The following FAM171A1 variants were observed in gnomAD, a reference collection of about 807,000 sequenced individuals.
FAM171A1 encodes family with sequence similarity 171 member A1, also known as protein FAM171A1.
A neutral mutation model predicts 74.9 loss-of-function variants in FAM171A1; 23 were observed. The observed-to-expected ratio is 0.31, with a 90% confidence interval of 0.22 to 0.44. The LOEUF is 0.44. Among genes scored for constraint, FAM171A1 ranks in the 20% least tolerant of loss-of-function variants. The pLI is 1.00. For synonymous variants in FAM171A1, 527 were observed against 505.7 expected, an observed-to-expected ratio of 1.04 and a Z score of -0.57; for missense variants, 1,162 against 1,159.2, an observed-to-expected ratio of 1.00 and a Z score of -0.03.
At chr10:15,283,580 T>C (rs1038242759) in intron 2 of FAM171A1, among the ~76,000 whole-genome samples, 1 of 152,144 alleles carries the variant, frequency 6.6e-6, no homozygotes, top group Admixed American at 6.5e-5. Context: ...ATGTTTTTAT[T>C]TATTTTATTT....
chr10:15,268,090 G>C (rs1376177069), intron 3 of FAM171A1, among the ~76,000 whole-genome samples: 1 of 152,152 alleles, frequency 6.6e-6, no homozygotes, highest in Admixed American at 6.5e-5. Flanking sequence ...AGCCCTGTGT[G>C]TATAAATGCT....
chr10:15,370,952 T>G lies in FAM171A1; in HGVS notation c.97+4A>C. The G allele has an allele frequency of 8.7e-7, 1 of 1,153,008 alleles. No individual in the cohort carries two copies. The highest frequency in any genetic ancestry group is 1.1e-6 in the Non-Finnish European group (1 of 918,136). The allele number at this position is 1,153,008 out of a possible 1,614,324, so 71.4% of individuals were successfully genotyped here. On this transcript the variant is annotated splice_donor_region_variant and intron_variant, in intron 1 of 7. Transcript: ENST00000378116. Reference sequence around the variant, plus strand: ...AGCCCCCGGCCCCGCCGCCGCCCACTGACCTTGGGCTCCGGCGCCGGGCTC... The same window carrying G: ...AGCCCCCGGCCCCGCCGCCGCCCACGGACCTTGGGCTCCGGCGCCGGGCTC...
intron 1 of FAM171A1, among the ~76,000 whole-genome samples, chr10:15,347,573 C>T (rs1379217932): frequency 6.6e-6 from 1 of 151,950 alleles, no homozygotes; most frequent in Non-Finnish European, 1.5e-5. Context: ...TGCAGTGGCT[C>T]ATGCCTGTAA....
At chr10:15,257,238 G>A (rs1834591912) in intron 3 of FAM171A1, among the ~76,000 whole-genome samples, 1 of 152,174 alleles carries the variant, frequency 6.6e-6, no homozygotes. Context: ...CAGGCCTTAG[G>A]AGGAGCCCCT....
intron 5 of FAM171A1, among the ~76,000 whole-genome samples, chr10:15,233,445 G>T (rs564333656): frequency 6.6e-6 from 1 of 151,978 alleles, no homozygotes; most frequent in Non-Finnish European, 1.5e-5. Context: ...TGTACATGGC[G>T]TACTGCAGGG....
rs1051211743 is a variant in FAM171A1, at chr10:15,213,943, C to T, written c.1645G>A (p.Glu549Lys). ...GGCCGTGGGAAGGACGTAGGTCTCT[C>T]GAGGTGATCTACTGATCGCGACATC... ...CMMSRSVDHL[E>K]RPTSFPRPGQ... Residue 549 changes from glutamate to lysine, a missense_variant, in exon 8 of 8, where the codon GAG becomes AAG. Coordinates refer to ENST00000378116, the MANE Select transcript of FAM171A1 (RefSeq NM_001010924.2). This position sits in a 1 kb window ranked among gnomAD's most constrained non-coding sequence, Gnocchi z 6.8. 6.2e-6 allele frequency: 10 copies of T among 1,614,002 alleles called. No individual in the cohort carries two copies. The highest frequency in any genetic ancestry group is 1.3e-5 in the African/African-American group (1 of 74,914).
chr10:15,291,417 G>GT (rs1835100851), intron 1 of FAM171A1, among the ~76,000 whole-genome samples: 1 of 152,132 alleles, frequency 6.6e-6, no homozygotes. Flanking sequence ...GAGCTCCTTG[G>GT]TAACACTAGG....
chr10:15,314,865 G>A (rs533042643), intron 1 of FAM171A1, among the ~76,000 whole-genome samples: 3 of 152,270 alleles, frequency 2.0e-5, no homozygotes, highest in South Asian at 2.1e-4. Flanking sequence ...CTGCCACCTC[G>A]GCCTGGCCTG....
intron 1 of FAM171A1, among the ~76,000 whole-genome samples, chr10:15,360,869 C>T (rs1393096193): frequency 6.6e-6 from 1 of 152,188 alleles, no homozygotes; most frequent in Non-Finnish European, 1.5e-5. Context: ...CCAAGCCACA[C>T]TTTCGACTTT....
At chr10:15,309,134 A>G (rs17156541) in intron 1 of FAM171A1, among the ~76,000 whole-genome samples, 2 of 152,052 alleles carry the variant, frequency 1.3e-5, no homozygotes, top group South Asian at 4.1e-4. Flanking sequence ...TCTGTAAGCA[A>G]TAAATTAATG....
chr10:15,309,443 C>T (rs557257570), intron 1 of FAM171A1, among the ~76,000 whole-genome samples: 18 of 152,372 alleles, frequency 1.2e-4, no homozygotes, highest in African/African-American at 3.1e-4. Flanking sequence ...CCTGGTCTCA[C>T]GCAATCCTCC....
chr10:15,370,736 C>G (rs1435678317), intron 1 of FAM171A1, among the ~76,000 whole-genome samples: 1 of 149,716 alleles, frequency 6.7e-6, no homozygotes, highest in East Asian at 2.0e-4. Context: ...CCCCGATCCC[C>G]GGCCCCCGAA....
intron 2 of FAM171A1, among the ~76,000 whole-genome samples, chr10:15,283,405 C>G (rs17156515): frequency 5.9e-5 from 9 of 152,194 alleles, no homozygotes; most frequent in African/African-American, 2.2e-4. Flanking sequence ...CCTAGATGAT[C>G]TCCATTGTAT....
intron 1 of FAM171A1, among the ~76,000 whole-genome samples, chr10:15,285,747 T>C (rs1835028120): frequency 6.6e-6 from 1 of 152,194 alleles, no homozygotes. Flanking sequence ...GGGAAAGGAC[T>C]AGCAAAAAGC....
intron 5 of FAM171A1, chr10:15,241,614 C>T (rs112993168): frequency 4.6e-5 from 7 of 152,182 alleles, no homozygotes; most frequent in East Asian, 3.9e-4. Context: ...TATTTATTGA[C>T]GTACAGTTGA....
At chr10:15,366,849 GCA>G (rs2131894780) in intron 1 of FAM171A1, among the ~76,000 whole-genome samples, 1 of 152,292 alleles carries the variant, frequency 6.6e-6, no homozygotes, top group East Asian at 1.9e-4. Context: ...TAATAAAGAT[GCA>G]CAGTTAGATT....
intron 1 of FAM171A1, among the ~76,000 whole-genome samples, chr10:15,300,822 C>T (rs995501387): frequency 6.6e-6 from 1 of 152,140 alleles, no homozygotes; most frequent in Admixed American, 6.6e-5. Context: ...GTGCTTCCCA[C>T]ACACTGCAGC....
intron 1 of FAM171A1, among the ~76,000 whole-genome samples, chr10:15,347,250 A>T (rs1835826809): frequency 6.6e-6 from 1 of 152,208 alleles, no homozygotes. Context: ...TATAGTTGAT[A>T]ACAGTCGAAC....
chr10:15,313,384 G>C (rs1388339850), intron 1 of FAM171A1, among the ~76,000 whole-genome samples: 2 of 152,134 alleles, frequency 1.3e-5, no homozygotes, highest in Admixed American at 1.3e-4. Context: ...TTCTTTCCTT[G>C]AGCTAAAATT....
Sources: allele counts gnomAD v4.1 joint callset (sites outside exome capture counted in the v4.1 genomes callset), GRCh38; gene constraint gnomAD v4.1.1; non-coding constraint Gnocchi (gnomAD v3.1); transcripts MANE v1.5; gene names NCBI Gene and HGNC (gene_info 2026-07-23, HGNC 2026-07-21).